Variants in DZIP1 observed in about 807,000 individuals in gnomAD.
The protein encoded by DZIP1 is DAZ interacting zinc finger protein 1.
A neutral mutation model predicts 107.6 loss-of-function variants in DZIP1; 97 were observed. The ratio of observed to expected loss-of-function variants is 0.90; its 90% CI spans 0.77 to 1.07. The LOEUF is 1.07. Among genes scored for constraint, DZIP1 ranks in the 50% least tolerant of loss-of-function variants. The probability of loss-of-function intolerance (pLI) is 0.00; values close to 1 mark genes in which losing one functional copy is unlikely to be tolerated. For synonymous variants in DZIP1, 390 were observed against 386.4 expected, an observed-to-expected ratio of 1.01 and a Z score of -0.11; for missense variants, 1,035 against 1,063.6, an observed-to-expected ratio of 0.97 and a Z score of 0.37.
In DZIP1 at chr13:95,616,799, C is replaced by A. The variant is rs889186323; in HGVS notation, c.1173+3086G>T. Among the ~76,000 whole-genome samples, 11 of 152,094 alleles carry A rather than the reference C, an allele frequency of 7.2e-5. No homozygotes were observed. The South Asian group carries it at 1.5e-3, about 20-fold the overall frequency. ...CATTGTGCTTCTCAACCACAGAATA[C>A]GGCAAAGGTGAAGGGACTCTGGAGA... On this transcript the variant is annotated intron_variant, in intron 10 of 22. Coordinates refer to ENST00000376829, the MANE Select transcript of DZIP1 (RefSeq NM_198968.4).
intron 9 of DZIP1, among the ~76,000 whole-genome samples, chr13:95,621,811 G>T (rs1875898290): frequency 6.6e-6 from 1 of 151,522 alleles, no homozygotes; most frequent in South Asian, 2.1e-4. Flanking sequence ...TCTGCCTCTT[G>T]GGTTCAAGCA....
chr13:95,598,876 T>C (rs888867787), intron 15 of DZIP1, among the ~76,000 whole-genome samples: 5 of 152,150 alleles, frequency 3.3e-5, no homozygotes, highest in Non-Finnish European at 7.4e-5. Flanking sequence ...AATTCCACCA[T>C]AAAAATACTG....
intron 12 of DZIP1, among the ~76,000 whole-genome samples, chr13:95,609,993 C>G (rs1413792662): frequency 6.6e-6 from 1 of 151,850 alleles, no homozygotes; most frequent in Non-Finnish European, 1.5e-5. Flanking sequence ...CCCAGTCTCC[C>G]TTCTGGTCTC....
chr13:95,585,646 C>G (rs1429138898), intron 21 of DZIP1, among the ~76,000 whole-genome samples: 1 of 152,174 alleles, frequency 6.6e-6, no homozygotes, highest in Non-Finnish European at 1.5e-5. Flanking sequence ...GCTAAACCCT[C>G]AAAAGTACCT....
At position 95,580,483 on chromosome 13, in the gene DZIP1, A is replaced by G. The variant is rs1022366770; in HGVS notation, c.*1751T>C. ...AGCTCTTCTGCTCAGGAATGAAAAC[A>G]TGGCAGACACAAAACATGGAATAGA... On this transcript the variant is annotated 3_prime_UTR_variant, in exon 23 of 23. Transcript: ENST00000376829. 6.6e-6 allele frequency: 1 copy of G among 152,230 alleles called. No individual in the cohort carries two copies. Among genetic ancestry groups the G allele is most frequent in the African/African-American group, 2.4e-5 (1 of 41,464 alleles). 9.4% of individuals were successfully genotyped at this position (152,230 alleles called of 1,614,324 possible).
At chr13:95,605,019 A>G (rs1209905116) in intron 14 of DZIP1, among the ~76,000 whole-genome samples, 1 of 152,258 alleles carries the variant, frequency 6.6e-6, no homozygotes, top group African/African-American at 2.4e-5. Flanking sequence ...TTTACACATT[A>G]CGTATTGTGA....
chr13:95,606,849 G>A (rs1199124824), intron 13 of DZIP1, among the ~76,000 whole-genome samples: 1 of 152,176 alleles, frequency 6.6e-6, no homozygotes, highest in African/African-American at 2.4e-5. Context: ...AATTTCTACA[G>A]AAAATTAGAT....
chr13:95,587,707 C>A lies in DZIP1; in HGVS notation c.2050G>T (p.Glu684Ter), dbSNP rs2044201188. The A allele has an allele frequency of 6.2e-7, 1 of 1,613,916 alleles. No individual in the cohort carries two copies. Among genetic ancestry groups the A allele is most frequent in the Non-Finnish European group, 8.5e-7 (1 of 1,180,024 alleles). The change falls in exon 20 of 23, where the codon GAG becomes TAG. Residue 684 changes from glutamate (E) to a stop codon, truncating the protein, a stop_gained. Transcript: ENST00000376829. LOFTEE classifies it high-confidence loss of function. ...TITTPPFSSEEEQEDDDLIRA... is the reference protein window; with the variant it reads ...TITTPPFSSE ...ATGAGGTCGTCGTCCTCCTGCTCCT[C>A]CTCTGAACTAAAAGGAGGGGTCCTA... is the stretch of plus-strand genomic sequence containing the variant.
At chr13:95,631,779 C>A (rs1166269957) in intron 6 of DZIP1, among the ~76,000 whole-genome samples, 1 of 152,126 alleles carries the variant, frequency 6.6e-6, no homozygotes, top group African/African-American at 2.4e-5. Flanking sequence ...TCTCTGCTTT[C>A]CTTCCCAATA....
At chr13:95,627,903 A>G (rs1282491606) in intron 7 of DZIP1, among the ~76,000 whole-genome samples, 1 of 152,232 alleles carries the variant, frequency 6.6e-6, no homozygotes, top group Non-Finnish European at 1.5e-5. Context: ...TCAATGGATG[A>G]CTGGATAAAC....
chr13:95,587,595 G>A lies in DZIP1; in HGVS notation c.2162C>T (p.Ala721Val), dbSNP rs142424864. 50 of 1,614,008 alleles carry A rather than the reference G, an allele frequency of 3.1e-5. No homozygotes were observed. Among genetic ancestry groups the A allele is most frequent in the Middle Eastern group, 3.3e-4 (2 of 6,062 alleles). Reference sequence around the variant, plus strand: ...GATTTCGCTTCCCTCGGTCCCGTCCGCGTCACTTTTCACTGTGTTCTTCCC... The same window carrying A: ...GATTTCGCTTCCCTCGGTCCCGTCCACGTCACTTTTCACTGTGTTCTTCCC... ...SFGKNTVKSD[A>V]DGTEGSEIED... Residue 721 changes from alanine to valine, a missense_variant, in exon 20 of 23, where the codon GCG (alanine) becomes GTG (valine). Coordinates refer to ENST00000376829, the MANE Select transcript of DZIP1 (RefSeq NM_198968.4).
chr13:95,595,776 G>A (rs943529846), intron 15 of DZIP1, among the ~76,000 whole-genome samples: 9 of 152,126 alleles, frequency 5.9e-5, no homozygotes, highest in African/African-American at 1.4e-4. Context: ...AATGAAGGAC[G>A]TACACAGAAG....
intron 15 of DZIP1, among the ~76,000 whole-genome samples, chr13:95,594,582 T>G (rs1202297006): frequency 6.6e-6 from 1 of 152,146 alleles, no homozygotes; most frequent in Non-Finnish European, 1.5e-5. Context: ...AGTGGATCAC[T>G]TGGACCCAGG....
At chr13:95,586,700 A>AACAATATATTAAATATAATAAATTACAC (rs1331309257) in intron 20 of DZIP1, among the ~76,000 whole-genome samples, 1 of 151,344 alleles carries the variant, frequency 6.6e-6, no homozygotes, top group Non-Finnish European at 1.5e-5. Flanking sequence ...AATTACATCC[A>AACAATATATTAAATATAATAAATTACAC]ACAATATATT....
chr13:95,629,730 T>A (rs184477035), intron 7 of DZIP1, among the ~76,000 whole-genome samples: 92 of 152,336 alleles, frequency 6.0e-4, no homozygotes, highest in African/African-American at 2.2e-3. Flanking sequence ...ACTTCTGTTC[T>A]AAGCAAAATT....
At position 95,644,378 on chromosome 13, in the gene DZIP1, C is replaced by G. The variant is rs978030539; in HGVS notation, c.-527G>C. 14 of 152,568 alleles carry G rather than the reference C, an allele frequency of 9.2e-5. No individual in the cohort carries two copies. The East Asian group carries it at 2.7e-3, about 29-fold the overall frequency. 9.5% of individuals were successfully genotyped at this position (152,568 alleles called of 1,614,324 possible). Reference sequence around the variant, plus strand: ...GGCGCATCCCCGGTCTCGGCTCACCCCAGCTGCGCGCTCCTGGGCGGGTGC... The same window carrying G: ...GGCGCATCCCCGGTCTCGGCTCACCGCAGCTGCGCGCTCCTGGGCGGGTGC... On this transcript the variant is annotated splice_region_variant and 5_prime_UTR_variant, in exon 1 of 23. Coordinates refer to ENST00000376829, the MANE Select transcript of DZIP1 (RefSeq NM_198968.4).
rs888612963 is a variant in DZIP1, at chr13:95,641,862, G to A, written c.37-7C>T. 24 of 1,444,958 alleles carry A rather than the reference G, an allele frequency of 1.7e-5. No individual in the cohort carries two copies. Among genetic ancestry groups the A allele is most frequent in the Non-Finnish European group, 2.2e-5 (24 of 1,105,954 alleles). 89.5% of individuals were successfully genotyped at this position (1,444,958 alleles called of 1,614,324 possible). ...AGACATGCTTCTGGAAGGGCTGCGG[G>A]GGGCACAAAGAGAGCGCGGCGGGAG... On this transcript the variant is annotated splice_polypyrimidine_tract_variant and splice_region_variant and intron_variant, in intron 4 of 22. Transcript: ENST00000376829. This position sits in a 1 kb window ranked among gnomAD's most constrained non-coding sequence, Gnocchi z 4.3.
Position 95,586,118 on chromosome 13 carries a change from G to T in DZIP1, c.2237C>A (p.Pro746His), listed in dbSNP as rs1054916240. Residue 746 changes from proline to histidine, a missense_variant, in exon 21 of 23, where the codon CCT (proline) becomes CAT (histidine). Transcript: ENST00000376829. ...AAACATCTTTTCAACTTTTTCAGTA[G>T]GTGTTTTAACGGCGACTCCTATAAG... The part of the protein sequence containing the change: ...PKPAGVAVKT[P>H]TEKVEKMFPH... The T allele has an allele frequency of 1.2e-6, 2 of 1,609,436 alleles. No individual in the cohort carries two copies. Among genetic ancestry groups the T allele is most frequent in the African/African-American group, 2.7e-5 (2 of 74,596 alleles).
intron 12 of DZIP1, 35 bp from the exon 13 acceptor site, chr13:95,609,548 T>C (rs978215394): frequency 2.0e-6 from 3 of 1,516,186 alleles, no homozygotes; most frequent in Non-Finnish European, 2.7e-6. Context: ...ACAAAAAACA[T>C]CACAAGCTAT....
Sources: gnomAD v4.1 joint callset for allele counts (sites outside exome capture counted in the v4.1 genomes callset) on GRCh38, gnomAD v4.1.1 for gene constraint, Gnocchi (gnomAD v3.1) non-coding constraint, MANE v1.5 for transcripts, NCBI Gene and HGNC (gene_info 2026-07-23, HGNC 2026-07-21) for gene names.